Variants in ADAMTS2 observed in about 807,000 individuals in gnomAD.
ADAMTS2 encodes ADAM metallopeptidase with thrombospondin type 1 motif 2, also known as A disintegrin and metalloproteinase with thrombospondin motifs 2.
A neutral mutation model predicts 123.0 loss-of-function variants in ADAMTS2; 50 were observed. The observed-to-expected ratio is 0.41, with a 90% confidence interval of 0.32 to 0.51. The LOEUF is 0.51. ADAMTS2 is among the 20% of genes least tolerant of loss of function. ADAMTS2 has a pLI of 0.35. For missense variants in ADAMTS2, 1,494 were observed against 1,705.2 expected (o/e 0.88, Z 2.18); for synonymous variants, 678 against 695.4 (o/e 0.98, Z 0.39).
chr5:179,320,341 T>C (rs1757129367), intron 2 of ADAMTS2, among the ~76,000 whole-genome samples: 1 of 152,204 alleles, frequency 6.6e-6, no homozygotes, highest in Non-Finnish European at 1.5e-5. Context: ...GGAGTCTCGC[T>C]CTGTCACTCA....
intron 2 of ADAMTS2, among the ~76,000 whole-genome samples, chr5:179,298,212 G>A (rs561206577): frequency 8.1e-5 from 12 of 147,362 alleles, no homozygotes; most frequent in Admixed American, 2.0e-4. Context: ...CCCGAGGCTC[G>A]GGGAACCCAG....
rs1054631392 is a variant in ADAMTS2, at chr5:179,180,426, C to T, written c.975+646G>A. ...GTCCAAGGGAGGGTCGTGTTAACCA[C>T]GTGTTTCTGATGCTTTGACATCCGA... On this transcript the variant is annotated intron_variant, in intron 5 of 21. Coordinates refer to ENST00000251582, the MANE Select transcript of ADAMTS2 (RefSeq NM_014244.5). This position sits in a 1 kb window ranked among gnomAD's most constrained non-coding sequence, Gnocchi z 4.6. 3.9e-5 allele frequency among the ~76,000 whole-genome samples: 6 copies of T among 152,196 alleles called. No homozygotes were observed. The highest frequency in any genetic ancestry group is 6.5e-5 in the Admixed American group (1 of 15,282).
chr5:179,178,603 G>A (rs1342616171), intron 5 of ADAMTS2, among the ~76,000 whole-genome samples: 2 of 152,196 alleles, frequency 1.3e-5, no homozygotes, highest in Non-Finnish European at 2.9e-5. Flanking sequence ...CTTTTAGTTT[G>A]TGCCTTCTCT....
intron 2 of ADAMTS2, among the ~76,000 whole-genome samples, chr5:179,304,074 C>T (rs759375185): frequency 2.0e-5 from 3 of 152,162 alleles, no homozygotes; most frequent in Non-Finnish European, 4.4e-5. Context: ...CCCAGACGTG[C>T]CACTGGGTTG....
In ADAMTS2 at chr5:179,114,109, C is replaced by T. The variant is rs776650760; in HGVS notation, c.3394G>A (p.Val1132Met). 1 of 1,614,062 alleles carries T rather than the reference C, an allele frequency of 6.2e-7. No individual in the cohort carries two copies. The highest frequency in any genetic ancestry group is 8.5e-7 in the Non-Finnish European group (1 of 1,179,992). ...TLPVPTVAME[V>M]RPSPSTPLEV... Reference sequence around the variant, plus strand: ...AGGGGGGTGCTTGGTGATGGCCGCACCTCCATGGCTACAGTGGGCACTGGG... The same window carrying T: ...AGGGGGGTGCTTGGTGATGGCCGCATCTCCATGGCTACAGTGGGCACTGGG... Residue 1132 changes from valine to methionine, a missense_variant, in exon 22 of 22, where the codon GTG becomes ATG. Physicochemically the swap from Val to Met is conservative, Grantham distance 21. Coordinates refer to ENST00000251582, the MANE Select transcript of ADAMTS2 (RefSeq NM_014244.5).
At chr5:179,152,426 C>T (rs1167637972) in intron 9 of ADAMTS2, among the ~76,000 whole-genome samples, 171 bp from the exon 10 acceptor site, 6 of 152,314 alleles carry the variant, frequency 3.9e-5, no homozygotes, top group East Asian at 1.9e-4. Flanking sequence ...CTTGCCCATA[C>T]GGTGTGGAGG....
intron 20 of ADAMTS2, 84 bp from the exon 21 acceptor site, chr5:179,121,834 G>T (rs1303133184): frequency 4.2e-6 from 4 of 959,924 alleles, no homozygotes; most frequent in Non-Finnish European, 6.1e-6. Context: ...GGTCTCCCGG[G>T]GTCCTGGGGA....
chr5:179,298,900 A>G (rs903461837), intron 2 of ADAMTS2, among the ~76,000 whole-genome samples: 1 of 152,224 alleles, frequency 6.6e-6, no homozygotes, highest in Non-Finnish European at 1.5e-5. Context: ...TTTTTTCAAC[A>G]TTCCTCTAAA....
At chr5:179,238,980 G>C (rs1196033786) in intron 3 of ADAMTS2, among the ~76,000 whole-genome samples, 1 of 152,194 alleles carries the variant, frequency 6.6e-6, no homozygotes, top group Non-Finnish European at 1.5e-5. Flanking sequence ...GAAGGTGGTG[G>C]GGGAGGAAGG....
At chr5:179,291,077 C>A (rs528202270) in intron 2 of ADAMTS2, among the ~76,000 whole-genome samples, 2 of 152,336 alleles carry the variant, frequency 1.3e-5, no homozygotes, top group South Asian at 4.1e-4. Context: ...GAGCGAGCCA[C>A]CCTCACTGGC....
At chr5:179,114,441 C>T in intron 21 of ADAMTS2, 117 bp from the exon 22 acceptor site, 1 of 1,007,974 alleles carries the variant, frequency 9.9e-7, no homozygotes, top group Admixed American at 2.0e-5. Flanking sequence ...AGCACAGAGG[C>T]AAGTGAGCCC....
At chr5:179,187,002 C>A (rs958498780) in intron 4 of ADAMTS2, among the ~76,000 whole-genome samples, 1 of 152,112 alleles carries the variant, frequency 6.6e-6, no homozygotes, top group East Asian at 1.9e-4. Context: ...CTGGCCCTGG[C>A]TGGCTTCTCC....
chr5:179,114,788 A>G (rs1762629581), intron 21 of ADAMTS2, among the ~76,000 whole-genome samples: 1 of 152,344 alleles, frequency 6.6e-6, no homozygotes, highest in Middle Eastern at 3.4e-3. Flanking sequence ...TAAACCTAAA[A>G]GAGCCAATTC....
At chr5:179,150,339 C>G (rs1318351686) in intron 10 of ADAMTS2, among the ~76,000 whole-genome samples, 1 of 152,258 alleles carries the variant, frequency 6.6e-6, no homozygotes, top group East Asian at 1.9e-4. Flanking sequence ...AGGGGAATAG[C>G]TGGGTGGTTC....
At chr5:179,280,897 A>G (rs187461594) in intron 2 of ADAMTS2, among the ~76,000 whole-genome samples, 20 of 152,214 alleles carry the variant, frequency 1.3e-4, no homozygotes, top group Admixed American at 1.2e-3. Flanking sequence ...TCGCTCTGTC[A>G]CCCAGGCTGG....
chr5:179,193,621 T>C (rs1764355818), intron 4 of ADAMTS2, among the ~76,000 whole-genome samples: 1 of 152,190 alleles, frequency 6.6e-6, no homozygotes, highest in Non-Finnish European at 1.5e-5. Flanking sequence ...GAGTTCATTT[T>C]TATGGGAGTC....
At chr5:179,121,911 C>A (rs1036380529) in intron 20 of ADAMTS2, 161 bp from the exon 21 acceptor site, 1 of 474,466 alleles carries the variant, frequency 2.1e-6, no homozygotes, top group Non-Finnish European at 3.7e-6. Context: ...TCCACGCCCA[C>A]CTCCTGCCCC....
At chr5:179,257,695 T>A (rs1180592601) in intron 3 of ADAMTS2, among the ~76,000 whole-genome samples, 1 of 152,012 alleles carries the variant, frequency 6.6e-6, no homozygotes. Context: ...GAAAGGAAAA[T>A]AAAAATTCCT....
rs1303971792 is a variant in ADAMTS2 at position 179,251,318 on chromosome 5, G to A, written c.688+21593C>T. 7.9e-5 allele frequency among the ~76,000 whole-genome samples: 12 copies of A among 152,286 alleles called. No individual in the cohort carries two copies. In the South Asian group the frequency reaches 1.2e-3, roughly 16 times the overall value. On this transcript the variant is annotated intron_variant, in intron 3 of 21. Transcript: ENST00000251582. ...TTATCTCCAAAAAGTCTCAGGAATC[G>A]TATTTCTGCCTGATGGTGACCTACT...
Sources: allele counts gnomAD v4.1 joint callset (sites outside exome capture counted in the v4.1 genomes callset), GRCh38; gene constraint gnomAD v4.1.1; non-coding constraint Gnocchi (gnomAD v3.1); transcripts MANE v1.5; gene names NCBI Gene and HGNC (gene_info 2026-07-23, HGNC 2026-07-21).